Variants in FN3K observed in about 807,000 individuals in gnomAD.
The protein encoded by FN3K is fructosamine-3-kinase.
In FN3K, 24 loss-of-function variants were observed where a neutral mutation model predicts 24.8. That is an observed-to-expected ratio of 0.97 (90% CI 0.70 to 1.36). The LOEUF (loss-of-function observed/expected upper bound fraction) is 1.36. Ranked by LOEUF, FN3K falls within the 40% of genes most tolerant of loss-of-function variation. FN3K has a pLI of 0.00. For synonymous variants in FN3K, 192 were observed against 175.2 expected, an observed-to-expected ratio of 1.10 and a Z score of -0.76; for missense variants, 449 against 416.7, an observed-to-expected ratio of 1.08 and a Z score of -0.67.
chr17:82,742,829 GT>G (rs1395028671), intron 4 of FN3K: 1 of 425,478 alleles, frequency 2.4e-6, no homozygotes, highest in Admixed American at 2.6e-5. Flanking sequence ...TTTCAAATCT[GT>G]CTCCTTGTCG....
chr17:82,741,051 C>A (rs2046938406), intron 3 of FN3K, 197 bp downstream of exon 3: 1 of 655,306 alleles, frequency 1.5e-6, no homozygotes, highest in Non-Finnish European at 2.7e-6. Context: ...GGCACATGAT[C>A]CCTTTTATAC....
intron 4 of FN3K, among the ~76,000 whole-genome samples, chr17:82,747,386 T>A (rs1248430876): frequency 6.6e-6 from 1 of 152,146 alleles, no homozygotes; most frequent in Non-Finnish European, 1.5e-5. Flanking sequence ...TTCCCAGAAT[T>A]TTTCCTATTG....
At chr17:82,745,441 T>A (rs1219552412) in intron 4 of FN3K, 1 of 152,596 alleles carries the variant, frequency 6.6e-6, no homozygotes, top group African/African-American at 2.4e-5. Context: ...GTCTCCTATG[T>A]CTACTTCTTT....
intron 5 of FN3K, chr17:82,749,344 C>G: frequency 2.8e-6 from 1 of 358,596 alleles, no homozygotes; most frequent in Non-Finnish European, 5.4e-6. Context: ...ATGTGGGTAC[C>G]AGATGATCCA....
chr17:82,749,132 C>A, intron 5 of FN3K, 155 bp downstream of exon 5: 2 of 1,184,538 alleles, frequency 1.7e-6, no homozygotes, highest in South Asian at 1.3e-5. Flanking sequence ...GGGGTTCCCC[C>A]AAAAGGGAGT....
At chr17:82,743,340 G>A (rs926838122) in intron 4 of FN3K, among the ~76,000 whole-genome samples, 3 of 152,296 alleles carry the variant, frequency 2.0e-5, no homozygotes, top group African/African-American at 7.2e-5. Context: ...AATGCCCCTC[G>A]GACTCCAGGA....
chr17:82,749,089 A>C (rs927221076), intron 5 of FN3K, 112 bp downstream of exon 5: 1 of 1,505,662 alleles, frequency 6.6e-7, no homozygotes, highest in East Asian at 2.4e-5. Flanking sequence ...TGAGTCCTGG[A>C]GCACACATCA....
chr17:82,735,666 C>T lies in FN3K; in HGVS notation c.30C>T (p.Arg10=). The T allele has an allele frequency of 2.6e-6, 4 of 1,538,774 alleles. No homozygotes were observed. Among genetic ancestry groups the T allele is most frequent in the Non-Finnish European group, 3.5e-6 (4 of 1,147,600 alleles). The change falls in exon 1 of 6, where the codon CGC becomes CGT. Residue 10 remains arginine (R), a synonymous_variant. Coordinates refer to ENST00000300784, the MANE Select transcript of FN3K (RefSeq NM_022158.4). ...AGCAGCTGCTGCGCGCCGAGCTGCG[C>T]ACCGCGACCCTGCGGGCCTTCGGCG... is the stretch of plus-strand genomic sequence containing the variant. MEQLLRAEL[R]TATLRAFGGP...
At chr17:82,747,333 A>C (rs2451223) in intron 4 of FN3K, among the ~76,000 whole-genome samples, 151,391 of 152,348 alleles carry the variant, frequency 0.99, 75,226 homozygotes, top group East Asian at 1. Context: ...ATCTTTCTTA[A>C]ACAGATTTTA....
At chr17:82,741,655 C>A in intron 4 of FN3K, 1 of 442,578 alleles carries the variant, frequency 2.3e-6, no homozygotes, top group Non-Finnish European at 4.2e-6. Context: ...TTGTGTTGCA[C>A]AAGGCTCCTG....
chr17:82,739,355 C>A (rs2046927071), intron 2 of FN3K, among the ~76,000 whole-genome samples: 1 of 152,036 alleles, frequency 6.6e-6, no homozygotes. Context: ...GTGATGCAAT[C>A]TTGGCTCACT....
intron 2 of FN3K, among the ~76,000 whole-genome samples, chr17:82,740,513 G>A (rs2046935342): frequency 6.6e-6 from 1 of 151,264 alleles, no homozygotes; most frequent in Non-Finnish European, 1.5e-5. Context: ...GATTGCTTGA[G>A]CCCTAGAAGT....
chr17:82,740,993 G>A (rs1834669144), intron 3 of FN3K, 139 bp downstream of exon 3: 1 of 701,584 alleles, frequency 1.4e-6, no homozygotes. Context: ...TTATGAAAAT[G>A]AGATTATTAA....
At chr17:82,737,974 TGG>T (rs879817199) in intron 1 of FN3K, 87 of 161,804 alleles carry the variant, frequency 5.4e-4, no homozygotes, top group Admixed American at 4.0e-3. Flanking sequence ...CGGGAGGCGT[TGG>T]GGGCCGGCCG....
chr17:82,744,679 A>T lies in FN3K; in HGVS notation c.468+3286A>T, dbSNP rs1351492430. Reference sequence around the variant, plus strand: ...CGTTCAGCATATGGAGGATCCCGCCAGCCTCTGAGTTCCCTTAGTATTTAT... The same window carrying T: ...CGTTCAGCATATGGAGGATCCCGCCTGCCTCTGAGTTCCCTTAGTATTTAT... On this transcript the variant is annotated intron_variant, in intron 4 of 5. Transcript: ENST00000300784. Among the ~76,000 whole-genome samples, 3 of 152,174 alleles carry T rather than the reference A, an allele frequency of 2.0e-5. No homozygotes were observed. In the East Asian group the frequency reaches 5.8e-4, roughly 29 times the overall value.
chr17:82,742,639 G>A (rs565109330), intron 4 of FN3K: 103 of 452,122 alleles, frequency 2.3e-4, no homozygotes, highest in African/African-American at 1.9e-3. Context: ...AATAATACTG[G>A]AGCCTCTTGA....
At chr17:82,749,194 C>A in intron 5 of FN3K, 1 of 653,354 alleles carries the variant, frequency 1.5e-6, no homozygotes, top group Non-Finnish European at 2.7e-6. Flanking sequence ...CCCCTCTCCA[C>A]TGCTAGGTCA....
At chr17:82,741,676 G>C in intron 4 of FN3K, 1 of 429,284 alleles carries the variant, frequency 2.3e-6, no homozygotes, top group South Asian at 2.1e-5. Context: ...ATGAGTCTGA[G>C]GGACTGGAGA....
chr17:82,742,836 T>C (rs1994553), intron 4 of FN3K: 420,429 of 421,598 alleles, frequency 1, 209,643 homozygotes, highest in East Asian at 1. Context: ...TCTGTCTCCT[T>C]GTCGACGCCC....
Sources: allele counts gnomAD v4.1 joint callset (sites outside exome capture counted in the v4.1 genomes callset), GRCh38; gene constraint gnomAD v4.1.1; transcripts MANE v1.5; gene names NCBI Gene and HGNC (gene_info 2026-07-23, HGNC 2026-07-21).